The following CDH22 variants were observed in gnomAD, a reference collection of about 807,000 sequenced individuals.
CDH22 encodes cadherin 22.
A neutral mutation model predicts 58.4 loss-of-function variants in CDH22; 30 were observed. The observed-to-expected ratio is 0.51, with a 90% CI of 0.38 to 0.70. The LOEUF is 0.70. CDH22 is among the 30% of genes least tolerant of loss of function. CDH22 has a pLI of 0.00. For missense variants in CDH22, 1,014 were observed against 1,233.9 expected, an observed-to-expected ratio of 0.82 and a Z score of 2.67; for synonymous variants, 513 against 558.2, an observed-to-expected ratio of 0.92 and a Z score of 1.14.
intron 4 of CDH22, among the ~76,000 whole-genome samples, chr20:46,221,268 GT>G (rs1161830060): frequency 6.2e-4 from 78 of 125,528 alleles, no homozygotes; most frequent in East Asian, 2.2e-3. Context: ...CAGGTTTTGG[GT>G]TTTTTTTTTT....
chr20:46,223,561 TGGTCTCTGCCCCAA>T (rs1480728881), intron 4 of CDH22, among the ~76,000 whole-genome samples: 2 of 152,200 alleles, frequency 1.3e-5, no homozygotes, highest in Admixed American at 6.5e-5. Flanking sequence ...TCACTGCACT[TGGTCTCTGCCCCAA>T]GGTCACTTCC....
intron 8 of CDH22, among the ~76,000 whole-genome samples, chr20:46,192,283 C>T (rs1321055930): frequency 1.3e-5 from 2 of 152,124 alleles, no homozygotes; most frequent in African/African-American, 4.8e-5. Context: ...TGACCATGGC[C>T]ACGCTCCAGG....
chr20:46,183,222 C>T (rs2085801439), intron 10 of CDH22, among the ~76,000 whole-genome samples: 1 of 152,086 alleles, frequency 6.6e-6, no homozygotes, highest in Non-Finnish European at 1.5e-5. Flanking sequence ...TAGCTGTTGA[C>T]ACTAAGCCCC....
intron 1 of CDH22, among the ~76,000 whole-genome samples, chr20:46,273,871 G>C (rs1196575966): frequency 6.6e-6 from 1 of 152,232 alleles, no homozygotes; most frequent in Non-Finnish European, 1.5e-5. Context: ...GACCAGCCAG[G>C]GAAAGGGGCC....
intron 1 of CDH22, among the ~76,000 whole-genome samples, chr20:46,289,795 T>C (rs1275126018): frequency 2.0e-5 from 3 of 152,136 alleles, no homozygotes; most frequent in Admixed American, 2.0e-4. Flanking sequence ...GCTAGAAACA[T>C]GAGCCAAGGA....
At chr20:46,240,557 C>T (rs563242836) in intron 3 of CDH22, among the ~76,000 whole-genome samples, 2 of 152,086 alleles carry the variant, frequency 1.3e-5, no homozygotes, top group Non-Finnish European at 2.9e-5. Flanking sequence ...CCAGCTGTGC[C>T]TGTGTAGGGG....
intron 1 of CDH22, among the ~76,000 whole-genome samples, chr20:46,295,935 T>A (rs1352469626): frequency 3.3e-5 from 5 of 152,196 alleles, no homozygotes; most frequent in African/African-American, 1.2e-4. Flanking sequence ...GCTAATTTTT[T>A]AATTTTTGTA....
At chr20:46,203,656 T>G (rs1252545764) in intron 7 of CDH22, among the ~76,000 whole-genome samples, 2 of 152,150 alleles carry the variant, frequency 1.3e-5, no homozygotes, top group Admixed American at 1.3e-4. Context: ...TCCAGGAAAA[T>G]TACTCCATGA....
intron 1 of CDH22, among the ~76,000 whole-genome samples, chr20:46,267,380 C>T (rs2086466032): frequency 2.6e-5 from 4 of 152,350 alleles, no homozygotes; most frequent in Admixed American, 2.0e-4. Flanking sequence ...CTCATTCCCA[C>T]ACACAACCAG....
At chr20:46,232,967 G>A (rs553490884) in intron 3 of CDH22, among the ~76,000 whole-genome samples, 8 of 152,336 alleles carry the variant, frequency 5.3e-5, no homozygotes, top group Middle Eastern at 3.4e-3. Context: ...TCAAGAAAGC[G>A]GGTAAGAGAC....
intron 1 of CDH22, among the ~76,000 whole-genome samples, chr20:46,280,534 C>T (rs541539110): frequency 1.3e-5 from 2 of 152,292 alleles, no homozygotes; most frequent in Non-Finnish European, 2.9e-5. Flanking sequence ...TGGCAGTCTC[C>T]AGGCAGAAGT....
intron 7 of CDH22, among the ~76,000 whole-genome samples, chr20:46,202,544 G>A (rs1408888476): frequency 6.6e-6 from 1 of 151,958 alleles, no homozygotes; most frequent in Admixed American, 6.6e-5. Flanking sequence ...TAGTAGAGAC[G>A]GGGTTTCACC....
chr20:46,240,634 A>C (rs988922757), intron 3 of CDH22, among the ~76,000 whole-genome samples: 1 of 151,988 alleles, frequency 6.6e-6, no homozygotes. Flanking sequence ...GGGCTTGTGC[A>C]TGTGGCATGT....
chr20:46,252,838 A>G (rs981793202), intron 1 of CDH22, among the ~76,000 whole-genome samples: 1 of 152,216 alleles, frequency 6.6e-6, no homozygotes, highest in African/African-American at 2.4e-5. Flanking sequence ...TGTGTGGACA[A>G]CCTGAGACCT....
chr20:46,186,767 A>G (rs2085828285), intron 9 of CDH22, 59 bp downstream of exon 9: 1 of 1,600,268 alleles, frequency 6.2e-7, no homozygotes, highest in Non-Finnish European at 8.5e-7. Context: ...GGGTCGAGGT[A>G]GAGGATGCTG....
At chr20:46,304,558 A>G (rs1412179879) in intron 1 of CDH22, among the ~76,000 whole-genome samples, 2 of 152,254 alleles carry the variant, frequency 1.3e-5, no homozygotes, top group East Asian at 3.9e-4. Context: ...TAACAAGTGG[A>G]TGGCTGAAGG....
At chr20:46,218,877 C>T (rs2086104323) in intron 4 of CDH22, among the ~76,000 whole-genome samples, 1 of 152,150 alleles carries the variant, frequency 6.6e-6, no homozygotes, top group Non-Finnish European at 1.5e-5. Context: ...CCACCACCCA[C>T]TCCAACCTGC....
intron 2 of CDH22, among the ~76,000 whole-genome samples, 192 bp downstream of exon 2, chr20:46,250,848 A>T (rs1044214931): frequency 2.0e-5 from 3 of 152,184 alleles, no homozygotes; most frequent in Non-Finnish European, 2.9e-5. Context: ...AGGGAGGGGA[A>T]GGAGAGGAGG....
intron 1 of CDH22, among the ~76,000 whole-genome samples, chr20:46,288,082 G>T (rs2145774134): frequency 6.6e-6 from 1 of 152,292 alleles, no homozygotes; most frequent in South Asian, 2.1e-4. Context: ...TAGCAAGTTT[G>T]GAGGATAAGG....
Sources: gnomAD v4.1 joint callset for allele counts (sites outside exome capture counted in the v4.1 genomes callset) on GRCh38, gnomAD v4.1.1 for gene constraint, MANE v1.5 for transcripts, NCBI Gene and HGNC (gene_info 2026-07-23, HGNC 2026-07-21) for gene names.